The following LYRM4 variants were observed in gnomAD, a reference collection of about 807,000 sequenced individuals.
The protein encoded by LYRM4 is LYR motif-containing protein 4.
Under a neutral mutation model 11.7 loss-of-function variants are expected in LYRM4, and 9 were observed. That is an observed-to-expected ratio of 0.77 (90% confidence interval 0.46 to 1.34). The LOEUF is 1.34. Among genes scored for constraint, LYRM4 ranks in the 40% most tolerant of loss-of-function variants. LYRM4 has a pLI of 0.00. For synonymous variants in LYRM4, 42 were observed against 40.4 expected (o/e 1.04, Z -0.15); for missense variants, 133 against 112.5 (o/e 1.18, Z -0.82).
At chr6:5,150,193 T>C (rs1001110873) in intron 2 of LYRM4, among the ~76,000 whole-genome samples, 2 of 152,238 alleles carry the variant, frequency 1.3e-5, no homozygotes, top group Non-Finnish European at 2.9e-5. Context: ...GTAACAGTGG[T>C]GAACCAGGTG....
chr6:5,156,232 C>T (rs893826770), intron 2 of LYRM4, among the ~76,000 whole-genome samples: 1 of 152,246 alleles, frequency 6.6e-6, no homozygotes, highest in Non-Finnish European at 1.5e-5. Flanking sequence ...CTGAGGCTCA[C>T]AGCCCCTTTT....
intron 2 of LYRM4, among the ~76,000 whole-genome samples, chr6:5,111,388 C>T (rs1225392646): frequency 6.6e-6 from 1 of 152,188 alleles, no homozygotes; most frequent in Non-Finnish European, 1.5e-5. Context: ...TTCACGAGTA[C>T]TTGACAGAGT....
chr6:5,062,913 G>C, the LYRM4 span, among the ~76,000 whole-genome samples: 1 of 152,188 alleles, frequency 6.6e-6, no homozygotes, highest in Non-Finnish European at 1.5e-5. Context: ...GGAAGGGAAG[G>C]AGGAGGTCAC....
intron 2 of LYRM4, among the ~76,000 whole-genome samples, chr6:5,185,435 T>C (rs532264138): frequency 1.3e-5 from 2 of 152,182 alleles, no homozygotes; most frequent in African/African-American, 4.8e-5. Flanking sequence ...TGGGAAGAAA[T>C]GGGTTTTGGA....
At chr6:5,082,569 C>A in the LYRM4 span, among the ~76,000 whole-genome samples, 1 of 152,172 alleles carries the variant, frequency 6.6e-6, no homozygotes, top group Non-Finnish European at 1.5e-5. Context: ...GATTTGTCCA[C>A]CCCACAACCA....
chr6:5,167,695 C>A (rs909620483), intron 2 of LYRM4, among the ~76,000 whole-genome samples: 1 of 152,150 alleles, frequency 6.6e-6, no homozygotes, highest in South Asian at 2.1e-4. Flanking sequence ...CTCGATGTTT[C>A]TTAATGGTGT....
rs1194244809 is a variant in LYRM4 at position 5,245,114 on chromosome 6, ATATATATATATATATATATATAT to A, written c.86+15511_86+15533del. On this transcript the variant is annotated intron_variant, in intron 1 of 2. Coordinates refer to ENST00000330636, the MANE Select transcript of LYRM4 (RefSeq NM_020408.6). ...TAAAAAAAAAAAAAAAAAAAAAAAAATATATATATATATATATATATATATATATATATATATATATATATATA... is the reference window on the plus strand; with the variant it reads ...TAAAAAAAAAAAAAAAAAAAAAAAAAATATATATATATATATATATATATA... 9.5e-3 allele frequency among the ~76,000 whole-genome samples: 114 copies of A among 12,034 alleles called. 8 individuals are homozygous for A. Among genetic ancestry groups the A allele is most frequent in the Admixed American group, 0.018 (13 of 716 alleles). 7.9% of individuals were successfully genotyped at this position (12,034 alleles called of 152,430 possible).
chr6:5,082,429 T>C, the LYRM4 span, among the ~76,000 whole-genome samples: 1 of 152,170 alleles, frequency 6.6e-6, no homozygotes, highest in African/African-American at 2.4e-5. Context: ...CCTGCCCCAG[T>C]GACTGCTACT....
chr6:5,148,524 C>T (rs868678101), intron 2 of LYRM4, among the ~76,000 whole-genome samples: 4 of 152,090 alleles, frequency 2.6e-5, no homozygotes, highest in East Asian at 1.9e-4. Context: ...GCTGGGTATA[C>T]GCCTTGAACA....
intron 1 of LYRM4, among the ~76,000 whole-genome samples, chr6:5,234,298 AG>A: frequency 6.6e-6 from 1 of 152,320 alleles, no homozygotes; most frequent in Non-Finnish European, 1.5e-5. Context: ...CTGTGAGATG[AG>A]CCCCTCGTGT....
the LYRM4 span, chr6:5,085,761 C>G: frequency 2.6e-6 from 4 of 1,537,038 alleles, no homozygotes; most frequent in Non-Finnish European, 2.6e-6. Context: ...CCGACCCCAT[C>G]TTGCAGGCGG....
Position 5,246,084 on chromosome 6 carries a change from G to A in LYRM4, c.86+14564C>T, listed in dbSNP as rs148531550. On this transcript the variant is annotated intron_variant, in intron 1 of 2. Transcript: ENST00000330636. The stretch of plus-strand genomic sequence containing the variant: ...GGGTGGTGTTGGGCAGTTTCAGAGT[G>A]CTTACCCAGAGTTGACCTATAAGTT... Among the ~76,000 whole-genome samples, 98 of 152,242 alleles carry A rather than the reference G, an allele frequency of 6.4e-4. 1 individual carries two copies. Among genetic ancestry groups the A allele is most frequent in the African/African-American group, 2.3e-3 (96 of 41,552 alleles).
At chr6:5,110,805 T>C (rs1395456286) in intron 2 of LYRM4, among the ~76,000 whole-genome samples, 2 of 152,206 alleles carry the variant, frequency 1.3e-5, no homozygotes, top group Non-Finnish European at 2.9e-5. Flanking sequence ...TTTCCTCTCA[T>C]TAATATAGAG....
At chr6:5,085,994 G>A in the LYRM4 span, 1 of 1,525,108 alleles carries the variant, frequency 6.6e-7, no homozygotes, top group South Asian at 1.2e-5. Context: ...TTCCCTATGC[G>A]TGCCGAGGAC....
intron 1 of LYRM4, among the ~76,000 whole-genome samples, chr6:5,250,709 T>C (rs574763724): frequency 7.0e-6 from 1 of 141,996 alleles, no homozygotes; most frequent in Non-Finnish European, 1.5e-5. Flanking sequence ...TCCAGTAATA[T>C]AAATTCAGAA....
rs561079328 is a variant in LYRM4 at position 5,141,835 on chromosome 6, A to G, written c.208-32344T>C. Among the ~76,000 whole-genome samples, 9 of 152,322 alleles carry G rather than the reference A, an allele frequency of 5.9e-5. No homozygotes were observed. The East Asian group carries it at 1.2e-3, about 20-fold the overall frequency. On this transcript the variant is annotated intron_variant, in intron 2 of 2. Coordinates refer to ENST00000330636, the MANE Select transcript of LYRM4 (RefSeq NM_020408.6). ...TTAAGAGAAAACGTTAAAGTTTCCAATGACTGGGTTTGGAGCTCAGCCTTT... is the reference window on the plus strand; with the variant it reads ...TTAAGAGAAAACGTTAAAGTTTCCAGTGACTGGGTTTGGAGCTCAGCCTTT...
the LYRM4 span, chr6:5,066,368 C>A: frequency 1.4e-6 from 1 of 727,588 alleles, no homozygotes; most frequent in East Asian, 2.5e-5. Context: ...TGCAGGTTTC[C>A]AAAGTGGCCC....
chr6:5,043,734 C>T, the LYRM4 span, among the ~76,000 whole-genome samples: 2 of 152,150 alleles, frequency 1.3e-5, no homozygotes, highest in Non-Finnish European at 2.9e-5. Flanking sequence ...TTTTCAAATA[C>T]AAACCAACCA....
chr6:5,161,380 T>C (rs1758748371), intron 2 of LYRM4, among the ~76,000 whole-genome samples: 1 of 152,234 alleles, frequency 6.6e-6, no homozygotes, highest in South Asian at 2.1e-4. Flanking sequence ...GTTTTTCTAT[T>C]GCATTGTCTT....
Sources: allele counts gnomAD v4.1 joint callset (sites outside exome capture counted in the v4.1 genomes callset), GRCh38; gene constraint gnomAD v4.1.1; transcripts MANE v1.5; gene names NCBI Gene and HGNC (gene_info 2026-07-23, HGNC 2026-07-21).